Variants in ROBO2 observed in about 807,000 individuals in gnomAD.
ROBO2 encodes the protein roundabout guidance receptor 2, also known as roundabout homolog 2.
In ROBO2, 53 loss-of-function variants were observed where a neutral mutation model predicts 160.8. That is an observed-to-expected ratio of 0.33 (90% CI 0.26 to 0.41). ROBO2 has a LOEUF of 0.41. ROBO2 is among the 10% of genes least tolerant of loss of function. The pLI, the probability that ROBO2 is intolerant of heterozygous loss-of-function variation, is 1.00. For missense variants in ROBO2, 1,577 were observed against 1,722.4 expected (o/e 0.92, Z 1.49); for synonymous variants, 664 against 611.7 (o/e 1.09, Z -1.26).
chr3:76,191,089 C>T (rs1253382875), intron 2 of ROBO2, among the ~76,000 whole-genome samples: 5 of 152,060 alleles, frequency 3.3e-5, no homozygotes, highest in African/African-American at 1.2e-4. Flanking sequence ...TTTAACAACT[C>T]TTAAGTGGTG....
At chr3:77,009,876 G>A (rs2061774988) in intron 2 of ROBO2, among the ~76,000 whole-genome samples, 1 of 150,102 alleles carries the variant, frequency 6.7e-6, no homozygotes, top group Non-Finnish European at 1.5e-5. Context: ...AACCTGGGAG[G>A]TGGAGGTTGC....
intron 16 of ROBO2, among the ~76,000 whole-genome samples, chr3:77,580,870 G>A (rs112569268): frequency 2.0e-5 from 3 of 152,064 alleles, no homozygotes; most frequent in East Asian, 1.9e-4. Context: ...AGGGTCTAAT[G>A]TCTGGGTAAA....
At chr3:77,170,049 C>T (rs145207727) in intron 2 of ROBO2, among the ~76,000 whole-genome samples, 53 of 152,246 alleles carry the variant, frequency 3.5e-4, no homozygotes, top group Non-Finnish European at 5.3e-4. Flanking sequence ...GTGAGTGTTC[C>T]GGCATGATCC....
Position 77,593,734 on chromosome 3 carries a change from C to T in ROBO2, c.2684-1408C>T, listed in dbSNP as rs140177836. Among the ~76,000 whole-genome samples, 3 of 152,186 alleles carry T rather than the reference C, an allele frequency of 2.0e-5. No individual in the cohort carries two copies. The East Asian group carries it at 5.8e-4, about 29-fold the overall frequency. On this transcript the variant is annotated intron_variant, in intron 17 of 25. Transcript: ENST00000461745. ...TGTGTAAAATTTAAAGAGCGATCAT[C>T]ATATTTGATAGCCCAAACTTGAGAA...
intron 5 of ROBO2, among the ~76,000 whole-genome samples, chr3:77,507,897 AG>A (rs776946729): frequency 6.6e-6 from 1 of 152,120 alleles, no homozygotes; most frequent in East Asian, 1.9e-4. Context: ...AGTATTTAAA[AG>A]TAATAAATTC....
chr3:76,382,581 C>T (rs1486901389), intron 2 of ROBO2, among the ~76,000 whole-genome samples: 2 of 152,182 alleles, frequency 1.3e-5, no homozygotes, highest in African/African-American at 4.8e-5. Flanking sequence ...AGCGAGACTC[C>T]GTCTCAAAAA....
intron 2 of ROBO2, among the ~76,000 whole-genome samples, chr3:76,816,694 A>G (rs764337119): frequency 2.6e-5 from 4 of 152,034 alleles, no homozygotes; most frequent in Non-Finnish European, 4.4e-5. Context: ...TAGAAATACC[A>G]TTTGACCCAG....
chr3:76,765,260 C>T (rs1462084532), intron 2 of ROBO2, among the ~76,000 whole-genome samples: 1 of 151,542 alleles, frequency 6.6e-6, no homozygotes, highest in Admixed American at 6.6e-5. Flanking sequence ...ATTTTCAAGT[C>T]AAGTATAGTT....
chr3:76,988,036 C>G lies in ROBO2; in HGVS notation c.110-109978C>G, dbSNP rs563324491. Among the ~76,000 whole-genome samples, 4 of 152,160 alleles carry G rather than the reference C, an allele frequency of 2.6e-5. No individual in the cohort carries two copies. In the Middle Eastern group the frequency reaches 0.01, roughly 388 times the overall value. ...GTTAAAATACATGTATATAAGCTAA[C>G]TTTATTTGGTAATTAAAAGGTAATT... On this transcript the variant is annotated intron_variant, in intron 2 of 26. Transcript: ENST00000487694.
chr3:77,610,741 C>CAAAAAAAAAAAAAAAAAAAAAAAAAA (rs71629658), intron 21 of ROBO2, among the ~76,000 whole-genome samples: 7 of 19,830 alleles, frequency 3.5e-4, no homozygotes, highest in Admixed American at 1.0e-3. Context: ...GGCCAAAGAC[C>CAAAAAAAAAAAAAAAAAAAAAAAAAA]AAAAAAAAAA....
At chr3:77,477,057 A>C (rs184706285) in intron 2 of ROBO2, among the ~76,000 whole-genome samples, 1 of 152,168 alleles carries the variant, frequency 6.6e-6, no homozygotes, top group African/African-American at 2.4e-5. Flanking sequence ...GCACACACAC[A>C]CACACATATA....
chr3:77,417,443 A>G (rs1358116248), intron 2 of ROBO2, among the ~76,000 whole-genome samples: 1 of 149,242 alleles, frequency 6.7e-6, no homozygotes, highest in Non-Finnish European at 1.5e-5. Context: ...TTTCTTTCAT[A>G]TATGCCCAGT....
chr3:77,649,891 C>T (rs966082777), exon 26 of ROBO2: 7 of 151,832 alleles, frequency 4.6e-5, no homozygotes, highest in African/African-American at 7.3e-5. Flanking sequence ...GGCATAAAAT[C>T]GGTTAATAGT....
chr3:75,936,996 T>TA (rs1947812337), intron 1 of ROBO2, among the ~76,000 whole-genome samples: 1 of 152,098 alleles, frequency 6.6e-6, no homozygotes, highest in Admixed American at 6.6e-5. Context: ...ATTACTGACA[T>TA]AATTAGAATA....
At chr3:76,695,960 C>T (rs2092918252) in intron 2 of ROBO2, among the ~76,000 whole-genome samples, 2 of 152,204 alleles carry the variant, frequency 1.3e-5, no homozygotes, top group African/African-American at 4.8e-5. Flanking sequence ...GAACTTACAA[C>T]TTCCCACTGC....
chr3:76,825,548 G>A (rs1187649411), intron 2 of ROBO2, among the ~76,000 whole-genome samples: 1 of 130,148 alleles, frequency 7.7e-6, no homozygotes, highest in East Asian at 2.6e-4. Flanking sequence ...GAAAAATGGT[G>A]TCAATTGGTT....
At chr3:77,501,270 C>T (rs1026242887) in intron 5 of ROBO2, among the ~76,000 whole-genome samples, 4 of 152,046 alleles carry the variant, frequency 2.6e-5, no homozygotes, top group Non-Finnish European at 5.9e-5. Flanking sequence ...ACACTCTCCC[C>T]TGTACCTAGG....
chr3:75,968,270 G>T (rs1949190997), intron 2 of ROBO2, among the ~76,000 whole-genome samples: 1 of 151,316 alleles, frequency 6.6e-6, no homozygotes. Flanking sequence ...GGCTTTGCTG[G>T]CGAGTCTACA....
At chr3:75,999,144 T>C (rs2065812082) in intron 2 of ROBO2, among the ~76,000 whole-genome samples, 1 of 152,166 alleles carries the variant, frequency 6.6e-6, no homozygotes, top group African/African-American at 2.4e-5. Flanking sequence ...ATTTTCCTCA[T>C]CTGATTGTTT....
Sources: allele counts gnomAD v4.1 joint callset (sites outside exome capture counted in the v4.1 genomes callset), GRCh38; gene constraint gnomAD v4.1.1; transcripts MANE v1.5; gene names NCBI Gene and HGNC (gene_info 2026-07-23, HGNC 2026-07-21).